The following MRPL52 variants were observed in gnomAD, a reference collection of about 807,000 sequenced individuals.
MRPL52 encodes mitochondrial ribosomal protein L52, also known as large ribosomal subunit protein mL52.
A neutral mutation model predicts 22.1 loss-of-function variants in MRPL52; 19 were observed. That is an observed-to-expected ratio of 0.86 (90% CI 0.60 to 1.26). The LOEUF (loss-of-function observed/expected upper bound fraction) is 1.26, where lower values mean the gene tolerates loss of function less well. MRPL52 is among the 50% of genes most tolerant of loss of function. The probability of loss-of-function intolerance (pLI) is 0.00; values close to 1 mark genes in which losing one functional copy is unlikely to be tolerated. For synonymous variants in MRPL52, 50 were observed against 57.5 expected (o/e 0.87, Z 0.59); for missense variants, 152 against 148.1 (o/e 1.03, Z -0.14).
At chr14:22,830,909 TCC>T (rs2039594080) in intron 3 of MRPL52, 1 of 1,261,134 alleles carries the variant, frequency 7.9e-7, no homozygotes, top group South Asian at 1.3e-5. Context: ...CATAGGCCAG[TCC>T]TCCTTGACAA....
At chr14:22,833,211 G>A in intron 3 of MRPL52, 2 of 511,552 alleles carry the variant, frequency 3.9e-6, no homozygotes, top group South Asian at 2.8e-5. Context: ...ATGAAATAGA[G>A]TAGTAATATG....
At chr14:22,834,053 CACTGGGGAGTCAG>C in intron 4 of MRPL52, 106 bp from the exon 5 acceptor site, 1 of 1,166,252 alleles carries the variant, frequency 8.6e-7, no homozygotes, top group Non-Finnish European at 1.2e-6. Context: ...AACTCGCTCC[CACTGGGGAGTCAG>C]CAGCGTCATT....
intron 4 of MRPL52, among the ~76,000 whole-genome samples, chr14:22,833,964 G>A (rs2039681978): frequency 6.6e-6 from 1 of 152,202 alleles, no homozygotes; most frequent in South Asian, 2.1e-4. Context: ...GAGGAAGAGA[G>A]TGGGGCACTC....
intron 3 of MRPL52, 121 bp downstream of exon 3, chr14:22,830,375 G>A (rs2039579788): frequency 1.7e-5 from 17 of 1,022,732 alleles, no homozygotes; most frequent in Non-Finnish European, 2.4e-5. Flanking sequence ...TTTTTATTTG[G>A]AAAACGGAAT....
Position 22,830,387 on chromosome 14 carries a change from T to C in MRPL52, c.154+133T>C, listed in dbSNP as rs2138702828. 4.5e-6 allele frequency: 4 copies of C among 883,726 alleles called. No homozygotes were observed. The South Asian group carries it at 6.0e-5, about 13-fold the overall frequency. The allele number at this position is 883,726 out of a possible 1,614,324, so 54.7% of individuals were successfully genotyped here. A position where few individuals can be genotyped will look rare whatever the true frequency, so the allele number is the denominator to read the frequency against. Reference sequence around the variant, plus strand: ...AACTTTTTATTTGGAAAACGGAATTTGGGGAAAGAAACCCTCTTGTTTATT... The same window carrying C: ...AACTTTTTATTTGGAAAACGGAATTCGGGGAAAGAAACCCTCTTGTTTATT... On this transcript the variant is annotated intron_variant, in intron 3 of 4. Coordinates refer to ENST00000397496, the MANE Select transcript of MRPL52 (RefSeq NM_180982.3).
intron 3 of MRPL52, chr14:22,830,930 T>C: frequency 7.1e-7 from 1 of 1,405,010 alleles, no homozygotes; most frequent in South Asian, 1.2e-5. Context: ...AACACAGAGA[T>C]CTGAATATTT....
intron 3 of MRPL52, chr14:22,831,199 A>G (rs1420861498): frequency 1.9e-6 from 1 of 532,774 alleles, no homozygotes; most frequent in Non-Finnish European, 3.2e-6. Context: ...TGCAGCCTTG[A>G]TCTCCTGGGC....
At position 22,830,169 on chromosome 14, in the gene MRPL52, C is replaced by T. The variant is rs1566473855; in HGVS notation, c.87-18C>T. 1.2e-6 allele frequency: 2 copies of T among 1,614,134 alleles called. No homozygotes were observed. Among genetic ancestry groups the T allele is most frequent in the Non-Finnish European group, 1.7e-6 (2 of 1,180,048 alleles). On this transcript the variant is annotated intron_variant, in intron 2 of 4. Transcript: ENST00000397496. ...GAAGCTGGGCTAGGTCCTCACAGAT[C>T]TGTTTTTCTCCACACAGGCAGGGAC...
In MRPL52 at chr14:22,834,187, C is replaced by A; in HGVS notation, c.235C>A (p.Leu79Met). ...RETFARRVVL[L>M]SQEMDAGLQA... ...TCTGTTTCAGAGACGAGTTGTACTG[C>A]TGTCACAGGAAATGGACGCTGGATT... is the stretch of plus-strand genomic sequence containing the variant. Residue 79 changes from leucine (L) to methionine (M), a missense_variant, in exon 5 of 5, where the codon CTG becomes ATG. Transcript: ENST00000397496. The A allele has an allele frequency of 1.2e-6, 2 of 1,614,138 alleles. No individual in the cohort carries two copies. Among genetic ancestry groups the A allele is most frequent in the South Asian group, 2.2e-5 (2 of 91,072 alleles).
rs2039590720 is a variant in MRPL52 at position 22,830,802 on chromosome 14, C to T, written c.154+548C>T. On this transcript the variant is annotated intron_variant, in intron 3 of 4. Coordinates refer to ENST00000397496, the MANE Select transcript of MRPL52 (RefSeq NM_180982.3). ...GAAGTTGAAGCTACTCCCCATTCTC[C>T]TTATGAGACTCCAGTGTACAAGTAG... 8.8e-6 allele frequency: 5 copies of T among 566,604 alleles called. No individual in the cohort carries two copies. In the East Asian group the frequency reaches 1.2e-4, roughly 13 times the overall value. 35.1% of individuals were successfully genotyped at this position (566,604 alleles called of 1,614,324 possible).
At chr14:22,830,942 A>C in intron 3 of MRPL52, 1 of 1,472,828 alleles carries the variant, frequency 6.8e-7, no homozygotes, top group Non-Finnish European at 9.2e-7. Flanking sequence ...TGAATATTTA[A>C]TACCCTATTG....
In MRPL52 at chr14:22,829,918, T is replaced by C; in HGVS notation, c.6T>C (p.Ala2=). 6.4e-7 allele frequency: 1 copy of C among 1,561,636 alleles called. No individual in the cohort carries two copies. The highest frequency in any genetic ancestry group is 8.7e-7 in the Non-Finnish European group (1 of 1,151,560). Residue 2 remains alanine (A), a synonymous_variant, in exon 1 of 5, where the codon GCT becomes GCC. Coordinates refer to ENST00000397496, the MANE Select transcript of MRPL52 (RefSeq NM_180982.3). ...CCCGGCTACTCCTGCTCAGCATGGC[T>C]GCTTTAGGGACTGTTCTCTTCAGTG... The part of the protein sequence containing the change: M[A]ALGTVLFSVR...
In MRPL52 at chr14:22,829,938, T is replaced by G; in HGVS notation, c.26T>G (p.Phe9Cys). 1 of 1,608,590 alleles carries G rather than the reference T, an allele frequency of 6.2e-7. No homozygotes were observed. The highest frequency in any genetic ancestry group is 8.5e-7 in the Non-Finnish European group (1 of 1,177,348). ...ATGGCTGCTTTAGGGACTGTTCTCTTCAGTGAGTGGGTATAGATAGGGACC... is the reference window on the plus strand; with the variant it reads ...ATGGCTGCTTTAGGGACTGTTCTCTGCAGTGAGTGGGTATAGATAGGGACC... MAALGTVLFSVRRLHCSVA... is the reference protein window; with the variant it reads MAALGTVLCSVRRLHCSVA... Residue 9 changes from phenylalanine to cysteine, a missense_variant and splice_region_variant, in exon 1 of 5, where the codon TTC (phenylalanine) becomes TGC (cysteine). Transcript: ENST00000397496.
rs2039695634 is a variant in MRPL52 at position 22,834,453 on chromosome 14, A to T, written c.*132A>T. On this transcript the variant is annotated 3_prime_UTR_variant, in exon 5 of 5. Coordinates refer to ENST00000397496, the MANE Select transcript of MRPL52 (RefSeq NM_180982.3). ...AGAGAAAAAGAGCTGGGACACCAAG[A>T]ACAAGCTGTTAGATCACTGCCTGGG... The T allele has an allele frequency of 9.6e-7, 1 of 1,040,506 alleles. No homozygotes were observed. Among genetic ancestry groups the T allele is most frequent in the South Asian group, 1.8e-5 (1 of 56,596 alleles). The allele number at this position is 1,040,506 out of a possible 1,614,324, so 64.5% of individuals were successfully genotyped here.
At position 22,834,176 on chromosome 14, in the gene MRPL52, G is replaced by A. The variant is rs1440217092; in HGVS notation, c.224G>A (p.Arg75Gln). The part of the protein sequence containing the change: ...RKAERETFAR[R>Q]VVLLSQEMDA... ...CTGTTTTCCTGTCTGTTTCAGAGAC[G>A]AGTTGTACTGCTGTCACAGGAAATG... The change falls in exon 5 of 5, where the codon CGA (arginine) becomes CAA (glutamine). Residue 75 changes from arginine to glutamine, a missense_variant. By Grantham distance (43) the Arg-to-Gln change is conservative. Coordinates refer to ENST00000397496, the MANE Select transcript of MRPL52 (RefSeq NM_180982.3). 24 of 1,613,918 alleles carry A rather than the reference G, an allele frequency of 1.5e-5. No individual in the cohort carries two copies. The highest frequency in any genetic ancestry group is 5.5e-5 in the South Asian group (5 of 91,056).
rs935671039 is a variant in MRPL52 at position 22,834,698 on chromosome 14, A to G, written c.*377A>G. 3 of 162,698 alleles carry G rather than the reference A, an allele frequency of 1.8e-5. No individual in the cohort carries two copies. Among genetic ancestry groups the G allele is most frequent in the African/African-American group, 7.2e-5 (3 of 41,624 alleles). 10.1% of individuals were successfully genotyped at this position (162,698 alleles called of 1,614,324 possible). On this transcript the variant is annotated 3_prime_UTR_variant, in exon 5 of 5. Transcript: ENST00000397496. ...CCTGTCCCTACTAAAGATACAAACA[A>G]TTAGCCGGGCGTGGTGGGGTGCGCT... is the stretch of plus-strand genomic sequence containing the variant.
intron 3 of MRPL52, chr14:22,831,038 G>T: frequency 7.0e-7 from 1 of 1,437,222 alleles, no homozygotes; most frequent in East Asian, 3.0e-5. Flanking sequence ...GTTATTTACT[G>T]TAAGAAGCCT....
intron 3 of MRPL52, chr14:22,831,277 T>C (rs2138709019): frequency 2.3e-6 from 1 of 437,870 alleles, no homozygotes; most frequent in East Asian, 4.0e-5. Context: ...CATTCCTGGC[T>C]AATTTTTTTT....
chr14:22,830,601 A>C, intron 3 of MRPL52: 1 of 404,424 alleles, frequency 2.5e-6, no homozygotes. Flanking sequence ...AATTTTCAGT[A>C]TTTGGTACCA....
Sources: allele counts gnomAD v4.1 joint callset (sites outside exome capture counted in the v4.1 genomes callset), GRCh38; gene constraint gnomAD v4.1.1; transcripts MANE v1.5; gene names NCBI Gene and HGNC (gene_info 2026-07-23, HGNC 2026-07-21).